SPIN1: variants seen among roughly 807,000 people sequenced by gnomAD.
The protein encoded by SPIN1 is spindlin 1.
SPIN1 carries 3 observed loss-of-function variants against 26.0 expected under a neutral mutation model. The observed-to-expected ratio is 0.12, with a 90% CI of 0.05 to 0.30. The LOEUF (loss-of-function observed/expected upper bound fraction) is 0.30. Ranked by LOEUF, SPIN1 falls within the 10% of genes least tolerant of loss-of-function variation. The probability of loss-of-function intolerance (pLI) is 1.00; values close to 1 mark genes in which losing one functional copy is unlikely to be tolerated. For synonymous variants in SPIN1, 101 were observed against 116.5 expected (o/e 0.87, Z 0.86); for missense variants, 126 against 333.4 (o/e 0.38, Z 4.84).
At chr9:88,465,414 A>G (rs937034690) in intron 4 of SPIN1, among the ~76,000 whole-genome samples, 1 of 152,182 alleles carries the variant, frequency 6.6e-6, no homozygotes, top group Non-Finnish European at 1.5e-5. Flanking sequence ...AGTCCTACCT[A>G]CAGTATACAA....
chr9:88,400,159 T>TA, intron 1 of SPIN1, among the ~76,000 whole-genome samples: 1 of 152,320 alleles, frequency 6.6e-6, no homozygotes, highest in South Asian at 2.1e-4. Context: ...ATCTGCCCTG[T>TA]AATCCTTCTT....
intron 3 of SPIN1, among the ~76,000 whole-genome samples, chr9:88,460,284 C>G (rs979159552): frequency 1.3e-5 from 2 of 152,100 alleles, no homozygotes; most frequent in African/African-American, 4.8e-5. Context: ...TCCTCACATG[C>G]TCCCGTGGTG....
rs562519625 is a variant in SPIN1, at chr9:88,396,959, A to G, written c.-159+8421A>G. On this transcript the variant is annotated intron_variant, in intron 1 of 5. Transcript: ENST00000375859. ...AAAGTACAGTAGAAATGTGGTATAA[A>G]AGAGAAATGGCATGCCTGTGTAGGG... 8.5e-5 allele frequency among the ~76,000 whole-genome samples: 13 copies of G among 152,150 alleles called. No homozygotes were observed. The South Asian group carries it at 2.7e-3, about 32-fold the overall frequency.
Position 88,476,190 on chromosome 9 carries a change from G to A in SPIN1, c.*913G>A, listed in dbSNP as rs1346509563. 2.0e-5 allele frequency: 3 copies of A among 152,024 alleles called. No individual in the cohort carries two copies. Among genetic ancestry groups the A allele is most frequent in the Non-Finnish European group, 4.4e-5 (3 of 68,014 alleles). The allele number at this position is 152,024 out of a possible 1,614,324, so 9.4% of individuals were successfully genotyped here. A position where few individuals can be genotyped will look rare whatever the true frequency, so the allele number is the denominator to read the frequency against. ...TTGGACAGCACATATGGTCCATTGT[G>A]TACAAGTCAGTAATCTGGATTTCAG... On this transcript the variant is annotated 3_prime_UTR_variant, in exon 6 of 6. Coordinates refer to ENST00000375859, the MANE Select transcript of SPIN1 (RefSeq NM_006717.3).
intron 1 of SPIN1, among the ~76,000 whole-genome samples, chr9:88,392,154 T>C (rs1325990989): frequency 6.6e-6 from 1 of 152,200 alleles, no homozygotes; most frequent in Non-Finnish European, 1.5e-5. Context: ...TTCCTTCTCC[T>C]TTCTACTTTT....
In SPIN1 at chr9:88,426,630, T is replaced by C. The variant is rs546130067; in HGVS notation, c.52+39T>C. On this transcript the variant is annotated intron_variant, in intron 2 of 5. Transcript: ENST00000375859. ...TTCTACACATATTTAAATATATACT[T>C]TAATATAATTCATTTCAAACAAGTG... is the stretch of plus-strand genomic sequence containing the variant. The C allele has an allele frequency of 2.0e-6, 3 of 1,537,332 alleles. No homozygotes were observed. In the South Asian group the frequency reaches 3.6e-5, roughly 19 times the overall value.
intron 1 of SPIN1, among the ~76,000 whole-genome samples, chr9:88,422,382 G>A (rs542927671): frequency 6.6e-6 from 1 of 152,046 alleles, no homozygotes; most frequent in Non-Finnish European, 1.5e-5. Flanking sequence ...ATAACTTAAG[G>A]TGAAGATGGT....
At chr9:88,391,754 C>T (rs1459044744) in intron 1 of SPIN1, 1 of 152,148 alleles carries the variant, frequency 6.6e-6, no homozygotes, top group African/African-American at 2.4e-5. Flanking sequence ...AGGCCCGAGT[C>T]GTCCTGGGGA....
In SPIN1 at chr9:88,401,378, G is replaced by A. The variant is rs528471961; in HGVS notation, c.-159+12840G>A. ...GTTGATAGGAAAAAAAATTCATACA[G>A]CCATCCCTCCATATCAGGGAATTGG... On this transcript the variant is annotated intron_variant, in intron 1 of 5. Coordinates refer to ENST00000375859, the MANE Select transcript of SPIN1 (RefSeq NM_006717.3). 5.3e-4 allele frequency among the ~76,000 whole-genome samples: 81 copies of A among 152,104 alleles called. 1 individual carries two copies. The highest frequency in any genetic ancestry group is 3.4e-3 in the Middle Eastern group (1 of 294).
At chr9:88,452,231 T>C (rs925259720) in intron 3 of SPIN1, among the ~76,000 whole-genome samples, 1 of 152,192 alleles carries the variant, frequency 6.6e-6, no homozygotes, top group African/African-American at 2.4e-5. Context: ...TGTGACCCCT[T>C]ACTGCAGATG....
intron 5 of SPIN1, 118 bp downstream of exon 5, chr9:88,468,723 T>C: frequency 3.4e-6 from 2 of 590,452 alleles, no homozygotes; most frequent in South Asian, 5.9e-5. Context: ...ATGATTCTTT[T>C]AGTCATGCAC....
chr9:88,430,882 TC>T, intron 2 of SPIN1, among the ~76,000 whole-genome samples: 1 of 146,532 alleles, frequency 6.8e-6, no homozygotes, highest in African/African-American at 2.6e-5. Context: ...ATATATTTTT[TC>T]TTTTTTTTTT....
At chr9:88,399,754 TAAAGG>T (rs1399364092) in intron 1 of SPIN1, among the ~76,000 whole-genome samples, 2 of 152,074 alleles carry the variant, frequency 1.3e-5, no homozygotes, top group Non-Finnish European at 2.9e-5. Context: ...GTTGGAAACA[TAAAGG>T]AAAGGAAATT....
intron 5 of SPIN1, 32 bp from the exon 6 acceptor site, chr9:88,475,045 CT>C: frequency 7.9e-7 from 1 of 1,262,218 alleles, no homozygotes; most frequent in Non-Finnish European, 1.0e-6. Context: ...TTCTCTCTCT[CT>C]CTTTTTTTTT....
intron 4 of SPIN1, among the ~76,000 whole-genome samples, chr9:88,466,660 CTTTT>C (rs1240807583): frequency 6.6e-6 from 1 of 152,176 alleles, no homozygotes; most frequent in Non-Finnish European, 1.5e-5. Flanking sequence ...GAAAATCTCA[CTTTT>C]TTGTTTCTTT....
chr9:88,442,842 C>G (rs1828164031), intron 2 of SPIN1, among the ~76,000 whole-genome samples: 1 of 151,874 alleles, frequency 6.6e-6, no homozygotes, highest in Non-Finnish European at 1.5e-5. Context: ...TCAGTCTTAG[C>G]TGGGTATGGT....
intron 5 of SPIN1, among the ~76,000 whole-genome samples, chr9:88,472,477 G>A (rs1472060012): frequency 4.0e-5 from 6 of 151,638 alleles, no homozygotes; most frequent in African/African-American, 7.3e-5. Context: ...CAGGTGAGCC[G>A]CCGCGCCTGG....
chr9:88,394,708 G>C (rs1827014256), intron 1 of SPIN1, among the ~76,000 whole-genome samples: 1 of 151,668 alleles, frequency 6.6e-6, no homozygotes, highest in Non-Finnish European at 1.5e-5. Flanking sequence ...AAGGCCATTT[G>C]AAAAGATTTT....
chr9:88,412,072 G>C (rs1008457736), intron 1 of SPIN1, among the ~76,000 whole-genome samples: 2 of 151,770 alleles, frequency 1.3e-5, no homozygotes, highest in Non-Finnish European at 2.9e-5. Flanking sequence ...CCAGCTACTC[G>C]GGAGGCTGAG....
Sources: gnomAD v4.1 joint callset for allele counts (sites outside exome capture counted in the v4.1 genomes callset) on GRCh38, gnomAD v4.1.1 for gene constraint, MANE v1.5 for transcripts, NCBI Gene and HGNC (gene_info 2026-07-23, HGNC 2026-07-21) for gene names.